Variants in LMOD3 observed in about 807,000 individuals in gnomAD.
The protein encoded by LMOD3 is leiomodin 3.
In LMOD3, 31 loss-of-function variants were observed where a neutral mutation model predicts 41.8. The ratio of observed to expected loss-of-function variants is 0.74; its 90% confidence interval spans 0.56 to 1.00. The LOEUF is 1.00. Ranked by LOEUF, LMOD3 falls within the 50% of genes least tolerant of loss-of-function variation. The pLI, the probability that LMOD3 is intolerant of heterozygous loss-of-function variation, is 0.00. For missense variants in LMOD3, 755 were observed against 679.5 expected (o/e 1.11, Z -1.23); for synonymous variants, 292 against 241.9 (o/e 1.21, Z -1.92).
At chr3:69,121,070 AG>A (rs899357218) in intron 1 of LMOD3, among the ~76,000 whole-genome samples, 8 of 152,148 alleles carry the variant, frequency 5.3e-5, no homozygotes, top group Non-Finnish European at 7.3e-5. Context: ...CTTGACCAGA[AG>A]GGGGAGCCAA....
intron 2 of LMOD3, among the ~76,000 whole-genome samples, chr3:69,118,346 T>C (rs2092386657): frequency 6.6e-6 from 1 of 152,212 alleles, no homozygotes; most frequent in Non-Finnish European, 1.5e-5. Context: ...TCTCTAAGCC[T>C]CAGTATCCTT....
rs751259911 is a variant in LMOD3 at position 69,122,186 on chromosome 3, A to G, written c.201T>C (p.Asn67=). ...QTDKPPTGNF[N]HKSLVDYMYW... is the part of the protein sequence containing the mutation. ...ACATATAATCAACAAGAGATTTATG[A>G]TTGAAGTTTCCTGTCGGTGGCTTGT... Residue 67 remains asparagine (N), a synonymous_variant, in exon 1 of 3, where the codon AAT becomes AAC. Transcript: ENST00000420581. 17 of 1,613,424 alleles carry G rather than the reference A, an allele frequency of 1.1e-5. No homozygotes were observed. Among genetic ancestry groups the G allele is most frequent in the Non-Finnish European group, 1.4e-5 (16 of 1,179,672 alleles).
chr3:69,120,110 G>A (rs774293329), intron 1 of LMOD3, 50 bp from the exon 2 acceptor site: 3 of 1,517,762 alleles, frequency 2.0e-6, no homozygotes, highest in East Asian at 4.6e-5. Flanking sequence ...GAAGAAATAT[G>A]AAGTGGAGCA....
Position 69,106,825 on chromosome 3 carries a change from T to A in LMOD3, c.*2270A>T, listed in dbSNP as rs1379697877. 6.6e-6 allele frequency: 1 copy of A among 151,254 alleles called. No individual in the cohort carries two copies. The highest frequency in any genetic ancestry group is 2.1e-4 in the South Asian group (1 of 4,758). The allele number at this position is 151,254 out of a possible 1,614,324, so 9.4% of individuals were successfully genotyped here. ...CTCCTGCCTCCCAAGTAGCTGGGAT[T>A]ACAGGCATGAGCTACCATGCCTGGC... On this transcript the variant is annotated 3_prime_UTR_variant, in exon 3 of 3. Transcript: ENST00000420581.
intron 2 of LMOD3, 87 bp downstream of exon 2, chr3:69,118,612 C>G: frequency 1.4e-6 from 2 of 1,432,638 alleles, no homozygotes; most frequent in Non-Finnish European, 1.9e-6. Flanking sequence ...GTGAGTATCC[C>G]CTTATGTTAA....
intron 2 of LMOD3, among the ~76,000 whole-genome samples, chr3:69,117,189 C>A (rs1352623343): frequency 6.6e-6 from 1 of 152,222 alleles, no homozygotes; most frequent in Non-Finnish European, 1.5e-5. Flanking sequence ...CGTTCTCACC[C>A]TGGCCACTGC....
chr3:69,120,528 T>C (rs1559662587), intron 1 of LMOD3, among the ~76,000 whole-genome samples: 1 of 151,788 alleles, frequency 6.6e-6, no homozygotes, highest in Non-Finnish European at 1.5e-5. Context: ...TAATCTAGTA[T>C]AGAATGTACA....
chr3:69,120,118 G>A, intron 1 of LMOD3, 58 bp from the exon 2 acceptor site: 4 of 1,505,686 alleles, frequency 2.7e-6, no homozygotes, highest in Non-Finnish European at 3.5e-6. Context: ...ATGAAGTGGA[G>A]CATCAGCTAG....
chr3:69,119,893 A>T lies in LMOD3; in HGVS notation c.462T>A (p.Asp154Glu), dbSNP rs926686921. ...CATCATCTTCTCCTTCGTCGTCATC[A>T]TCATCATCTTCTTCTTCTTCATCTT... ...DEEDEEEEDDDDDDEGEDDGE... is the reference protein window; with the variant it reads ...DEEDEEEEDDEDDDEGEDDGE... Residue 154 changes from aspartate to glutamate, a missense_variant, in exon 2 of 3, where the codon GAT becomes GAA. Physicochemically the swap from Asp to Glu is conservative, Grantham distance 45 (BLOSUM62 2). Coordinates refer to ENST00000420581, the MANE Select transcript of LMOD3 (RefSeq NM_198271.5). 7 of 1,483,608 alleles carry T rather than the reference A, an allele frequency of 4.7e-6. No individual in the cohort carries two copies. In the East Asian group the frequency reaches 1.7e-4, roughly 36 times the overall value. The allele number at this position is 1,483,608 out of a possible 1,614,324, so 91.9% of individuals were successfully genotyped here.
chr3:69,117,833 G>GTTTTTT (rs374336943), intron 2 of LMOD3, among the ~76,000 whole-genome samples: 4,517 of 131,970 alleles, frequency 0.034, 236 homozygotes, highest in East Asian at 0.24. Flanking sequence ...AATTTGGGTG[G>GTTTTTT]TTTTTTTTTT....
In LMOD3 at chr3:69,118,723, G is replaced by A. The variant is rs1274961340; in HGVS notation, c.1632C>T (p.His544=). 6 of 1,612,794 alleles carry A rather than the reference G, an allele frequency of 3.7e-6. No homozygotes were observed. The highest frequency in any genetic ancestry group is 5.1e-6 in the Non-Finnish European group (6 of 1,179,678). Residue 544 remains histidine, a synonymous_variant, in exon 2 of 3, where the codon CAC becomes CAT. Transcript: ENST00000420581. ...CAGGTTTAAGATAGGCGACACTGCT[G>A]TGACGAATGTCGTTTAGCAGCTGAT... is the stretch of plus-strand genomic sequence containing the variant. The part of the protein sequence containing the change: ...PRDQLLNDIR[H]SSVAYLKPVQ...
At chr3:69,122,005 G>A (rs1056675779) in intron 1 of LMOD3, 88 bp downstream of exon 1, 42 of 1,073,744 alleles carry the variant, frequency 3.9e-5, no homozygotes, top group Non-Finnish European at 2.5e-5. Flanking sequence ...CCAAACCCTG[G>A]AGTCTTGAGA....
At chr3:69,117,472 G>T (rs992060883) in intron 2 of LMOD3, among the ~76,000 whole-genome samples, 1 of 152,086 alleles carries the variant, frequency 6.6e-6, no homozygotes, top group African/African-American at 2.4e-5. Context: ...TATTACAGGA[G>T]ATTTTAAAAT....
intron 2 of LMOD3, among the ~76,000 whole-genome samples, chr3:69,114,087 C>CA (rs1318666287): frequency 1.3e-5 from 2 of 152,082 alleles, no homozygotes; most frequent in African/African-American, 4.8e-5. Context: ...ATGCCAGGTA[C>CA]AAAGCAGTAA....
intron 1 of LMOD3, among the ~76,000 whole-genome samples, chr3:69,120,794 C>G (rs1432636069): frequency 2.6e-5 from 4 of 151,988 alleles, no homozygotes; most frequent in Non-Finnish European, 5.9e-5. Context: ...TAAGATGAAA[C>G]AGGATTATGC....
chr3:69,109,124 G>A lies in LMOD3; in HGVS notation c.1657-3C>T. 1.2e-6 allele frequency: 2 copies of A among 1,601,790 alleles called. No homozygotes were observed. Among genetic ancestry groups the A allele is most frequent in the Non-Finnish European group, 1.7e-6 (2 of 1,173,940 alleles). On this transcript the variant is annotated splice_polypyrimidine_tract_variant and splice_region_variant and intron_variant, in intron 2 of 2. Coordinates refer to ENST00000420581, the MANE Select transcript of LMOD3 (RefSeq NM_198271.5). ...GCCAGTTCTTTTGGCAGTTGCACCT[G>A]CGATTTAAGCATTTGAGGAAACGGG... is the stretch of plus-strand genomic sequence containing the variant.
chr3:69,117,468 A>T (rs960514564), intron 2 of LMOD3, among the ~76,000 whole-genome samples: 6 of 152,232 alleles, frequency 3.9e-5, no homozygotes, highest in African/African-American at 9.7e-5. Context: ...GCTATATTAC[A>T]GGAGATTTTA....
At chr3:69,112,396 A>G (rs1035941247) in intron 2 of LMOD3, among the ~76,000 whole-genome samples, 24 of 152,178 alleles carry the variant, frequency 1.6e-4, no homozygotes, top group Non-Finnish European at 3.4e-4. Flanking sequence ...GCTTTGAAGA[A>G]CTCAGAATCC....
At chr3:69,110,418 C>G (rs1218836216) in intron 2 of LMOD3, among the ~76,000 whole-genome samples, 2 of 151,230 alleles carry the variant, frequency 1.3e-5, no homozygotes, top group Non-Finnish European at 3.0e-5. Flanking sequence ...TTAGTAGAGA[C>G]GGGGTTTCAC....
Sources: gnomAD v4.1 joint callset for allele counts (sites outside exome capture counted in the v4.1 genomes callset) on GRCh38, gnomAD v4.1.1 for gene constraint, MANE v1.5 for transcripts, NCBI Gene and HGNC (gene_info 2026-07-23, HGNC 2026-07-21) for gene names.